GMDS: variants seen among roughly 807,000 people sequenced by gnomAD.
GMDS encodes GDP-mannose 4,6-dehydratase.
In GMDS, 20 loss-of-function variants were observed where a neutral mutation model predicts 49.9. The ratio of observed to expected loss-of-function variants is 0.40; its 90% confidence interval spans 0.28 to 0.58. The LOEUF (loss-of-function observed/expected upper bound fraction) is 0.58, where lower values mean the gene tolerates loss of function less well. Ranked by LOEUF, GMDS falls within the 20% of genes least tolerant of loss-of-function variation. The pLI, the probability that GMDS is intolerant of heterozygous loss-of-function variation, is 0.42. For missense variants in GMDS, 362 were observed against 481.4 expected (o/e 0.75, Z 2.32); for synonymous variants, 177 against 178.6 (o/e 0.99, Z 0.07).
chr6:1,629,496 G>C (rs2113147202), intron 9 of GMDS, among the ~76,000 whole-genome samples: 1 of 152,332 alleles, frequency 6.6e-6, no homozygotes, highest in South Asian at 2.1e-4. Context: ...AATGGAGTCA[G>C]TCAGCACTGG....
rs181684481 is a variant in GMDS, at chr6:2,227,087, C to T, written c.102+18234G>A. On this transcript the variant is annotated intron_variant, in intron 1 of 10. Transcript: ENST00000380815. Reference sequence around the variant, plus strand: ...TGGGATTGCGGGTGTTGTTTTTTTTCCCCCTGAAACTTTATATCCTCCTAT... The same window carrying T: ...TGGGATTGCGGGTGTTGTTTTTTTTTCCCCTGAAACTTTATATCCTCCTAT... Among the ~76,000 whole-genome samples, 942 of 151,956 alleles carry T rather than the reference C, an allele frequency of 6.2e-3. 3 individuals are homozygous for T. The highest frequency in any genetic ancestry group is 0.017 in the Middle Eastern group (5 of 294).
At chr6:2,196,281 C>G (rs1326371809) in intron 1 of GMDS, among the ~76,000 whole-genome samples, 1 of 152,236 alleles carries the variant, frequency 6.6e-6, no homozygotes, top group Non-Finnish European at 1.5e-5. Context: ...TTATTTCCCT[C>G]ACTGCACTGA....
At chr6:1,750,968 C>T (rs367778905) in intron 7 of GMDS, among the ~76,000 whole-genome samples, 26 of 152,282 alleles carry the variant, frequency 1.7e-4, no homozygotes, top group South Asian at 4.1e-4. Flanking sequence ...AGTTCAAATG[C>T]GGCGGAGCCC....
chr6:2,058,430 C>G (rs796370368), intron 4 of GMDS, among the ~76,000 whole-genome samples: 1 of 150,988 alleles, frequency 6.6e-6, no homozygotes, highest in African/African-American at 2.4e-5. Flanking sequence ...GATACCAGTA[C>G]GAGCGGTATC....
At chr6:2,065,806 G>C (rs1771542974) in intron 4 of GMDS, among the ~76,000 whole-genome samples, 1 of 152,234 alleles carries the variant, frequency 6.6e-6, no homozygotes. Flanking sequence ...TGGTGTACCT[G>C]AAAGTCACGG....
chr6:2,007,491 A>G (rs1436690291), intron 4 of GMDS, among the ~76,000 whole-genome samples: 3 of 152,168 alleles, frequency 2.0e-5, no homozygotes, highest in African/African-American at 4.8e-5. Context: ...CCAGGCTTTT[A>G]TAACGAAAAA....
At chr6:2,080,643 G>A (rs1772634435) in intron 4 of GMDS, among the ~76,000 whole-genome samples, 1 of 152,158 alleles carries the variant, frequency 6.6e-6, no homozygotes, top group African/African-American at 2.4e-5. Flanking sequence ...GGAGGCTGTG[G>A]TAACGTTTTG....
At chr6:1,893,480 C>T (rs532130195) in intron 7 of GMDS, among the ~76,000 whole-genome samples, 1 of 152,276 alleles carries the variant, frequency 6.6e-6, no homozygotes, top group South Asian at 2.1e-4. Flanking sequence ...GCCACTGCAC[C>T]CGGCCCATCT....
chr6:2,239,219 C>T (rs752663048), intron 1 of GMDS, among the ~76,000 whole-genome samples: 2 of 151,724 alleles, frequency 1.3e-5, no homozygotes, highest in Non-Finnish European at 2.9e-5. Flanking sequence ...ATCCCAGCTA[C>T]TCAGGAGGCT....
At chr6:1,924,570 T>C (rs1344777271) in intron 7 of GMDS, among the ~76,000 whole-genome samples, 1 of 152,228 alleles carries the variant, frequency 6.6e-6, no homozygotes, top group Non-Finnish European at 1.5e-5. Context: ...GTTCTGGCTA[T>C]AGTTGTGTTT....
At chr6:1,730,541 T>C (rs1037385743) in intron 8 of GMDS, among the ~76,000 whole-genome samples, 5 of 152,084 alleles carry the variant, frequency 3.3e-5, no homozygotes, top group Non-Finnish European at 5.9e-5. Flanking sequence ...CTCCCTGAGG[T>C]AGAAGGTGGC....
chr6:1,650,959 T>G (rs1158628251), intron 9 of GMDS, among the ~76,000 whole-genome samples: 1 of 152,104 alleles, frequency 6.6e-6, no homozygotes, highest in Non-Finnish European at 1.5e-5. Context: ...GAAAAGCAAA[T>G]GAGTAGATGA....
At position 1,800,629 on chromosome 6, in the gene GMDS, C is replaced by T. The variant is rs377491352; in HGVS notation, c.772-58043G>A. On this transcript the variant is annotated intron_variant, in intron 7 of 10. Coordinates refer to ENST00000380815, the MANE Select transcript of GMDS (RefSeq NM_001500.4). Reference sequence around the variant, plus strand: ...TTTTTCTTTTTCTTTTTCTTTCTTTCTTTTTTTTTTTTTAAGCAGAGATGG... The same window carrying T: ...TTTTTCTTTTTCTTTTTCTTTCTTTTTTTTTTTTTTTTTAAGCAGAGATGG... Among the ~76,000 whole-genome samples, 7 of 138,188 alleles carry T rather than the reference C, an allele frequency of 5.1e-5. No individual in the cohort carries two copies. The South Asian group carries it at 1.6e-3, about 32-fold the overall frequency. 90.7% of individuals were successfully genotyped at this position (138,188 alleles called of 152,430 possible).
At chr6:1,705,749 T>TAC (rs1765713421) in intron 9 of GMDS, among the ~76,000 whole-genome samples, 1 of 152,186 alleles carries the variant, frequency 6.6e-6, no homozygotes, top group South Asian at 2.1e-4. Context: ...CTGGAGGACT[T>TAC]TCCAGAGGAA....
intron 7 of GMDS, among the ~76,000 whole-genome samples, chr6:1,848,487 T>C (rs868827107): frequency 7.2e-5 from 11 of 152,358 alleles, no homozygotes; most frequent in Middle Eastern, 3.4e-3. Flanking sequence ...TCTCTTGACA[T>C]TGACTACTCT....
chr6:1,878,314 C>CAAAAAAAAAAAAAAAAAAAAAAAAAAA (rs11463549), intron 7 of GMDS, among the ~76,000 whole-genome samples: 1 of 72,530 alleles, frequency 1.4e-5, no homozygotes, highest in African/African-American at 5.6e-5. Context: ...GAATCCATCT[C>CAAAAAAAAAAAAAAAAAAAAAAAAAAA]AAAAAAAAAA....
intron 9 of GMDS, among the ~76,000 whole-genome samples, chr6:1,685,226 C>T (rs377644979): frequency 2.7e-5 from 4 of 147,398 alleles, no homozygotes; most frequent in Non-Finnish European, 6.0e-5. Flanking sequence ...GTGAGACCCC[C>T]GTCTCTACTA....
intron 1 of GMDS, among the ~76,000 whole-genome samples, chr6:2,220,477 A>T (rs1398112395): frequency 6.6e-6 from 1 of 152,228 alleles, no homozygotes; most frequent in African/African-American, 2.4e-5. Flanking sequence ...ATGTGAGACA[A>T]TAATTGCTTA....
At chr6:1,780,486 C>T (rs149122906) in intron 7 of GMDS, among the ~76,000 whole-genome samples, 283 of 152,326 alleles carry the variant, frequency 1.9e-3, no homozygotes, top group South Asian at 4.4e-3. Context: ...TGGGAGAGGA[C>T]GGCATGGCAG....
Sources: allele counts gnomAD v4.1 joint callset (sites outside exome capture counted in the v4.1 genomes callset), GRCh38; gene constraint gnomAD v4.1.1; transcripts MANE v1.5; gene names NCBI Gene and HGNC (gene_info 2026-07-23, HGNC 2026-07-21).